BCAS1: variants seen among roughly 807,000 people sequenced by gnomAD.
BCAS1 encodes brain enriched myelin associated protein 1.
A neutral mutation model predicts 65.4 loss-of-function variants in BCAS1; 46 were observed. That is an observed-to-expected ratio of 0.70 (90% confidence interval 0.55 to 0.90). The LOEUF is 0.90. BCAS1 is among the 40% of genes least tolerant of loss of function. The pLI, the probability that BCAS1 is intolerant of heterozygous loss-of-function variation, is 0.00. For missense variants in BCAS1, 793 were observed against 771.2 expected, an observed-to-expected ratio of 1.03 and a Z score of -0.33; for synonymous variants, 298 against 293.5, an observed-to-expected ratio of 1.02 and a Z score of -0.16.
chr20:53,982,717 A>C (rs1193583265), intron 8 of BCAS1, among the ~76,000 whole-genome samples: 5 of 152,182 alleles, frequency 3.3e-5, no homozygotes, highest in Non-Finnish European at 5.9e-5. Context: ...AAAGAAAACA[A>C]AGGTCCTCAT....
intron 4 of BCAS1, among the ~76,000 whole-genome samples, chr20:54,011,789 G>A (rs1459712757): frequency 2.6e-5 from 4 of 152,170 alleles, no homozygotes; most frequent in Non-Finnish European, 4.4e-5. Context: ...AAGATCACTT[G>A]ACCCTGGGTG....
chr20:54,069,905 G>C (rs1267300317), intron 1 of BCAS1, among the ~76,000 whole-genome samples: 1 of 152,198 alleles, frequency 6.6e-6, no homozygotes, highest in Non-Finnish European at 1.5e-5. Context: ...AAACAGCAGG[G>C]GTCCTGAAGC....
At chr20:54,009,376 G>C (rs1379518765) in intron 4 of BCAS1, among the ~76,000 whole-genome samples, 1 of 152,140 alleles carries the variant, frequency 6.6e-6, no homozygotes, top group Non-Finnish European at 1.5e-5. Context: ...AAAAAAGAGA[G>C]AGCAAGAGAG....
intron 7 of BCAS1, among the ~76,000 whole-genome samples, 195 bp downstream of exon 7, chr20:53,992,317 T>C (rs974636244): frequency 7.9e-5 from 12 of 152,176 alleles, no homozygotes; most frequent in Non-Finnish European, 1.6e-4. Context: ...GGAAGACACC[T>C]GTTTGAAATG....
Position 53,975,421 on chromosome 20 carries a change from C to T in BCAS1, c.1285G>A (p.Glu429Lys). ...TCCGCACCTGTGGGGACTGAGTCCT[C>T]TTTAACTGACTAAAGGAAGATAAAA... ...GKLFWKKSVK[E>K]DSVPTGAEEN... Residue 429 changes from glutamate to lysine, a missense_variant, in exon 9 of 13, where the codon GAG becomes AAG. Glu to Lys is a moderately conservative substitution (Grantham distance 56). Coordinates refer to ENST00000688948, the MANE Select transcript of BCAS1 (RefSeq NM_001366298.2). 6.2e-7 allele frequency: 1 copy of T among 1,612,084 alleles called. No homozygotes were observed. The highest frequency in any genetic ancestry group is 8.5e-7 in the Non-Finnish European group (1 of 1,178,664).
At chr20:53,998,393 G>A (rs1405505410) in intron 4 of BCAS1, among the ~76,000 whole-genome samples, 3 of 152,204 alleles carry the variant, frequency 2.0e-5, no homozygotes, top group African/African-American at 4.8e-5. Flanking sequence ...ACTGGCATCT[G>A]CTTGGCTTCT....
At chr20:53,959,167 C>T (rs1357953027) in intron 10 of BCAS1, among the ~76,000 whole-genome samples, 1 of 152,082 alleles carries the variant, frequency 6.6e-6, no homozygotes, top group African/African-American at 2.4e-5. Flanking sequence ...TCATCATTAA[C>T]AGCAGCTTCA....
chr20:53,973,971 G>A (rs562637236), intron 9 of BCAS1, among the ~76,000 whole-genome samples: 1 of 152,274 alleles, frequency 6.6e-6, no homozygotes, highest in Non-Finnish European at 1.5e-5. Flanking sequence ...GCACCAATCA[G>A]TGCTCTGTGT....
In BCAS1 at chr20:53,989,871, A is replaced by G. The variant is rs188610928; in HGVS notation, c.1062+2641T>C. 9.7e-3 allele frequency among the ~76,000 whole-genome samples: 1,475 copies of G among 152,360 alleles called. 11 individuals carry two copies. Among genetic ancestry groups the G allele is most frequent in the Middle Eastern group, 0.048 (14 of 294 alleles). The stretch of plus-strand genomic sequence containing the variant: ...GATCAGCAAAGAATAATTTTCTAGC[A>G]TAAGCATGTCCCAAATATTGCATGG... On this transcript the variant is annotated intron_variant, in intron 7 of 12. Transcript: ENST00000688948.
intron 7 of BCAS1, among the ~76,000 whole-genome samples, chr20:53,989,133 A>T (rs1568848554): frequency 6.6e-6 from 1 of 152,208 alleles, no homozygotes; most frequent in African/African-American, 2.4e-5. Context: ...TTACATTAAA[A>T]TTTCGTGGAG....
At position 54,037,665 on chromosome 20, in the gene BCAS1, C is replaced by G. The variant is rs779393967; in HGVS notation, c.143-8693G>C. Among the ~76,000 whole-genome samples, 4 of 151,264 alleles carry G rather than the reference C, an allele frequency of 2.6e-5. 1 individual carries two copies. Among genetic ancestry groups the G allele is most frequent in the Non-Finnish European group, 4.4e-5 (3 of 67,590 alleles). ...CTACAAGTTAGGTACTATCATCACT[C>G]CCATTTTACAGGTCGTGAAACTGAG... is the stretch of plus-strand genomic sequence containing the variant. On this transcript the variant is annotated intron_variant, in intron 3 of 12. Coordinates refer to ENST00000688948, the MANE Select transcript of BCAS1 (RefSeq NM_001366298.2).
intron 9 of BCAS1, 87 bp from the exon 10 acceptor site, chr20:53,967,160 C>G: frequency 7.2e-7 from 1 of 1,381,030 alleles, no homozygotes; most frequent in Non-Finnish European, 1.0e-6. Context: ...TTGTTGCCCC[C>G]CTGTCCACAT....
At chr20:53,955,389 G>C (rs6013848) in intron 11 of BCAS1, among the ~76,000 whole-genome samples, 5 of 152,320 alleles carry the variant, frequency 3.3e-5, no homozygotes, top group African/African-American at 1.2e-4. Context: ...AAGTACAATA[G>C]ATATCCCAGA....
chr20:54,016,012 C>T lies in BCAS1; in HGVS notation c.723+12380G>A, dbSNP rs146494446. 2.8e-3 allele frequency among the ~76,000 whole-genome samples: 420 copies of T among 152,332 alleles called. 2 individuals carry two copies. Among genetic ancestry groups the T allele is most frequent in the African/African-American group, 9.3e-3 (386 of 41,578 alleles). On this transcript the variant is annotated intron_variant, in intron 4 of 12. Transcript: ENST00000688948. ...CAACAATTTGCAATTTTTTATTCCA[C>T]GCTGCTCTTTGGGTGGGATGACAGA...
intron 3 of BCAS1, among the ~76,000 whole-genome samples, chr20:54,038,013 T>G (rs1305247544): frequency 6.6e-6 from 1 of 151,238 alleles, no homozygotes; most frequent in East Asian, 1.9e-4. Context: ...TTCATTTGCA[T>G]AAAACCATCC....
chr20:53,997,101 G>A (rs6022905), intron 4 of BCAS1, among the ~76,000 whole-genome samples: 19,258 of 152,108 alleles, frequency 0.13, 2,646 homozygotes, highest in African/African-American at 0.35. Flanking sequence ...CACCACTGTC[G>A]TCTCCACCAG....
chr20:53,959,001 T>G (rs1241880112), intron 10 of BCAS1, among the ~76,000 whole-genome samples: 1 of 152,178 alleles, frequency 6.6e-6, no homozygotes, highest in Non-Finnish European at 1.5e-5. Context: ...TGATAAAAGC[T>G]TGGATAAGAT....
At chr20:54,026,137 G>A (rs953065010) in intron 4 of BCAS1, among the ~76,000 whole-genome samples, 2 of 152,178 alleles carry the variant, frequency 1.3e-5, no homozygotes, top group African/African-American at 2.4e-5. Flanking sequence ...CTGAGGGAGT[G>A]AATTCACTTA....
chr20:54,018,311 A>G (rs73133436), intron 4 of BCAS1, among the ~76,000 whole-genome samples: 21,684 of 152,028 alleles, frequency 0.14, 1,974 homozygotes, highest in East Asian at 0.35. Context: ...CATGAAGTAC[A>G]CTGTTCTACC....
Sources: gnomAD v4.1 joint callset for allele counts (sites outside exome capture counted in the v4.1 genomes callset) on GRCh38, gnomAD v4.1.1 for gene constraint, MANE v1.5 for transcripts, NCBI Gene and HGNC (gene_info 2026-07-23, HGNC 2026-07-21) for gene names.